The following TSPEAR variants were observed in gnomAD, a reference collection of about 807,000 sequenced individuals.
The protein encoded by TSPEAR is thrombospondin-type laminin G domain and EAR repeat-containing protein.
Under a neutral mutation model 71.6 loss-of-function variants are expected in TSPEAR, and 69 were observed. The observed-to-expected ratio is 0.96, with a 90% CI of 0.79 to 1.18. TSPEAR has a LOEUF of 1.18. Ranked by LOEUF, TSPEAR falls within the 50% of genes most tolerant of loss-of-function variation. TSPEAR has a pLI of 0.00. For missense variants in TSPEAR, 971 were observed against 894.9 expected, an observed-to-expected ratio of 1.09 and a Z score of -1.09; for synonymous variants, 402 against 387.2, an observed-to-expected ratio of 1.04 and a Z score of -0.45.
intron 1 of TSPEAR, among the ~76,000 whole-genome samples, chr21:44,652,501 T>C (rs1984870414): frequency 6.6e-6 from 1 of 152,168 alleles, no homozygotes; most frequent in Non-Finnish European, 1.5e-5. Context: ...GAGTCCTGAG[T>C]TGTATTCAGT....
intron 2 of TSPEAR, chr21:44,540,227 A>T (rs2053195221): frequency 6.4e-7 from 1 of 1,564,816 alleles, no homozygotes. Context: ...TGAGTGACTG[A>T]GTGTGTGAGT....
Position 44,598,622 on chromosome 21 carries a change from C to T in TSPEAR, c.83-30617G>A, listed in dbSNP as rs868914231. Among the ~76,000 whole-genome samples the T allele has an allele frequency of 1.6e-4, 24 of 152,166 alleles. 1 individual carries two copies. Among genetic ancestry groups the T allele is most frequent in the South Asian group, 1.2e-3 (6 of 4,822 alleles). ...GTGTAACATATGTCAGCACTTCCGC[C>T]GCTTCCAAAACAATGCTGAAACCTT... On this transcript the variant is annotated intron_variant, in intron 1 of 11. Coordinates refer to ENST00000323084, the MANE Select transcript of TSPEAR (RefSeq NM_144991.3).
rs782685093 is a variant in TSPEAR at position 44,533,694 on chromosome 21, G to A, written c.533C>T (p.Pro178Leu). 82 of 1,607,184 alleles carry A rather than the reference G, an allele frequency of 5.1e-5. No individual in the cohort carries two copies. The highest frequency in any genetic ancestry group is 2.0e-4 in the African/African-American group (15 of 74,836). The change falls in exon 3 of 12, where the codon CCG (proline) becomes CTG (leucine). Residue 178 changes from proline (P) to leucine (L), a missense_variant. By Grantham distance (98) the Pro-to-Leu change is moderately conservative. Transcript: ENST00000323084. The stretch of plus-strand genomic sequence containing the variant: ...CCGGGTGGGTACCTACATGTCCACC[G>A]GGAGGCCGCAGTCCGTGGTGAGGGA... Reference protein sequence around the residue: ...VFSLTTDCGLPVDIMADVPFP... With the variant: ...VFSLTTDCGLLVDIMADVPFP...
At chr21:44,606,038 C>T (rs1036290849) in intron 1 of TSPEAR, among the ~76,000 whole-genome samples, 1 of 151,572 alleles carries the variant, frequency 6.6e-6, no homozygotes. Flanking sequence ...AAAATATCTG[C>T]AAACCATATA....
chr21:44,628,198 T>C (rs1465521000), intron 1 of TSPEAR: 2 of 957,944 alleles, frequency 2.1e-6, no homozygotes, highest in Non-Finnish European at 1.5e-6. Context: ...AGATGCTCAC[T>C]GGCTCCTCCC....
intron 2 of TSPEAR, among the ~76,000 whole-genome samples, chr21:44,565,692 A>G (rs2053693953): frequency 6.6e-6 from 1 of 152,226 alleles, no homozygotes; most frequent in Non-Finnish European, 1.5e-5. Context: ...ACACTCAATA[A>G]GATAGAGCAG....
At chr21:44,709,951 A>G (rs567453755) in intron 1 of TSPEAR, among the ~76,000 whole-genome samples, 104 of 152,140 alleles carry the variant, frequency 6.8e-4, no homozygotes, top group African/African-American at 1.5e-3. Flanking sequence ...TCTTTTAACT[A>G]TTTGCAACGT....
chr21:44,682,166 G>A lies in TSPEAR; in HGVS notation c.82+29267C>T, dbSNP rs1555948177. On this transcript the variant is annotated intron_variant, in intron 1 of 11. Coordinates refer to ENST00000323084, the MANE Select transcript of TSPEAR (RefSeq NM_144991.3). The stretch of plus-strand genomic sequence containing the variant: ...TAAGGTCGAGGCAGAGGGCAGTGAT[G>A]TCTGGGGATGGCCTCCCTGGGTAGC... 4 of 1,595,982 alleles carry A rather than the reference G, an allele frequency of 2.5e-6. No homozygotes were observed. In the African/African-American group the frequency reaches 4.0e-5, roughly 16 times the overall value.
chr21:44,569,168 C>A (rs1555922178), intron 1 of TSPEAR, among the ~76,000 whole-genome samples: 1 of 152,206 alleles, frequency 6.6e-6, no homozygotes, highest in East Asian at 1.9e-4. Flanking sequence ...TCTGTGTCCT[C>A]CAGAGAGTGT....
chr21:44,700,479 A>AC (rs1987597964), intron 1 of TSPEAR, among the ~76,000 whole-genome samples: 1 of 151,820 alleles, frequency 6.6e-6, no homozygotes, highest in East Asian at 1.9e-4. Flanking sequence ...ACTTCCCAGA[A>AC]CCCCCCTTGC....
intron 9 of TSPEAR, among the ~76,000 whole-genome samples, chr21:44,516,920 C>T (rs2145946295): frequency 6.6e-6 from 1 of 152,312 alleles, no homozygotes. Context: ...TGCGAGAACG[C>T]TCCCAGCTCT....
At position 44,557,877 on chromosome 21, in the gene TSPEAR, TGAG is replaced by T. The variant is rs2053559316; in HGVS notation, c.303+9905_303+9907del. 6.6e-6 allele frequency: 5 copies of T among 754,086 alleles called. No homozygotes were observed. In the East Asian group the frequency reaches 1.4e-4, roughly 20 times the overall value. The allele number at this position is 754,086 out of a possible 1,614,324, so 46.7% of individuals were successfully genotyped here. On this transcript the variant is annotated intron_variant, in intron 2 of 11. Coordinates refer to ENST00000323084, the MANE Select transcript of TSPEAR (RefSeq NM_144991.3). ...GACCACCGGCTGGCCAGCATGGAGA[TGAG>T]GGTGTGGGAGAGATGCATGCCTGGA...
intron 1 of TSPEAR, chr21:44,627,923 G>A: frequency 2.6e-6 from 4 of 1,519,786 alleles, no homozygotes; most frequent in Non-Finnish European, 3.6e-6. Flanking sequence ...TCCTCCTGCT[G>A]TGCCCCCACC....
At chr21:44,604,624 G>A (rs1293191100) in intron 1 of TSPEAR, among the ~76,000 whole-genome samples, 8 of 152,168 alleles carry the variant, frequency 5.3e-5, no homozygotes, top group Non-Finnish European at 7.3e-5. Context: ...CCAGCACCAC[G>A]TTAAATAGAA....
rs760860058 is a variant in TSPEAR at position 44,637,250 on chromosome 21, G to C, written c.83-69245C>G. On this transcript the variant is annotated intron_variant, in intron 1 of 11. Coordinates refer to ENST00000323084, the MANE Select transcript of TSPEAR (RefSeq NM_144991.3). Reference sequence around the variant, plus strand: ...AAGCAGAAATAATGAGGGTCCTCCCGGCTCCAAACACCAACACGGAAGGGG... The same window carrying C: ...AAGCAGAAATAATGAGGGTCCTCCCCGCTCCAAACACCAACACGGAAGGGG... 5.5e-6 allele frequency: 5 copies of C among 917,088 alleles called. No individual in the cohort carries two copies. The African/African-American group carries it at 8.4e-5, about 15-fold the overall frequency. The allele number at this position is 917,088 out of a possible 1,614,324, so 56.8% of individuals were successfully genotyped here.
chr21:44,579,403 C>T, intron 1 of TSPEAR: 1 of 365,322 alleles, frequency 2.7e-6, no homozygotes, highest in Non-Finnish European at 5.0e-6. Context: ...TGGCTAGAGA[C>T]CAATCTGAGC....
intron 1 of TSPEAR, among the ~76,000 whole-genome samples, chr21:44,608,783 G>A (rs1444065168): frequency 6.6e-6 from 1 of 152,238 alleles, no homozygotes; most frequent in African/African-American, 2.4e-5. Context: ...ATCAACTAGT[G>A]AGGATGTAAA....
intron 1 of TSPEAR, chr21:44,574,360 T>A: frequency 2.0e-6 from 3 of 1,488,880 alleles, no homozygotes; most frequent in Non-Finnish European, 2.7e-6. Context: ...TCAGGCTGCA[T>A]CAGCTCCTGC....
intron 10 of TSPEAR, chr21:44,508,911 A>G (rs782687502): frequency 5.6e-5 from 84 of 1,493,076 alleles, no homozygotes; most frequent in Non-Finnish European, 6.7e-5. Flanking sequence ...TCCTGCCTCC[A>G]CTGCTCGGAT....
Sources: gnomAD v4.1 joint callset for allele counts (sites outside exome capture counted in the v4.1 genomes callset) on GRCh38, gnomAD v4.1.1 for gene constraint, MANE v1.5 for transcripts, NCBI Gene and HGNC (gene_info 2026-07-23, HGNC 2026-07-21) for gene names.